The following AFG1L variants were observed in gnomAD, a reference collection of about 807,000 sequenced individuals.
The protein encoded by AFG1L is AFG1-like ATPase.
A neutral mutation model predicts 62.2 loss-of-function variants in AFG1L; 53 were observed. The observed-to-expected ratio is 0.85, with a 90% CI of 0.68 to 1.07. The LOEUF (loss-of-function observed/expected upper bound fraction) is 1.07. Ranked by LOEUF, AFG1L falls within the 50% of genes least tolerant of loss-of-function variation. The pLI, the probability that AFG1L is intolerant of heterozygous loss-of-function variation, is 0.00. For missense variants in AFG1L, 555 were observed against 590.5 expected (o/e 0.94, Z 0.62); for synonymous variants, 228 against 210.3 (o/e 1.08, Z -0.73).
At chr6:108,516,069 G>A (rs1774874300) in intron 11 of AFG1L, among the ~76,000 whole-genome samples, 1 of 151,834 alleles carries the variant, frequency 6.6e-6, no homozygotes, top group South Asian at 2.1e-4. Flanking sequence ...TTCTACCAGA[G>A]GTACAAGGAG....
chr6:108,305,439 G>A (rs748356742), intron 1 of AFG1L, among the ~76,000 whole-genome samples: 1 of 152,182 alleles, frequency 6.6e-6, no homozygotes, highest in Non-Finnish European at 1.5e-5. Flanking sequence ...AGGCTGGAGT[G>A]CAGTGGTATG....
intron 6 of AFG1L, among the ~76,000 whole-genome samples, chr6:108,395,741 A>T (rs1294053730): frequency 1.3e-5 from 2 of 148,326 alleles, no homozygotes; most frequent in African/African-American, 4.9e-5. Context: ...TAAAAATCTC[A>T]TAACTTTATA....
At chr6:108,448,089 CAGA>C (rs897074709) in intron 8 of AFG1L, among the ~76,000 whole-genome samples, 1 of 152,154 alleles carries the variant, frequency 6.6e-6, no homozygotes, top group African/African-American at 2.4e-5. Context: ...ACCTTGTAAG[CAGA>C]AGTACTTTAC....
At chr6:108,347,070 C>A in intron 3 of AFG1L, 31 bp downstream of exon 3, 5 of 1,569,698 alleles carry the variant, frequency 3.2e-6, no homozygotes, top group Non-Finnish European at 4.4e-6. Flanking sequence ...TTTGGGTGGG[C>A]AAAACAGAAA....
chr6:108,359,363 A>G (rs896172313), intron 5 of AFG1L: 2 of 152,258 alleles, frequency 1.3e-5, no homozygotes, highest in African/African-American at 4.8e-5. Flanking sequence ...AATGCAGGCC[A>G]CAGAAAGGAT....
chr6:108,454,866 T>A (rs1290003754), intron 8 of AFG1L, among the ~76,000 whole-genome samples: 1 of 152,130 alleles, frequency 6.6e-6, no homozygotes, highest in African/African-American at 2.4e-5. Context: ...TTGGCCAGGC[T>A]GGTTTCAAGC....
At position 108,522,560 on chromosome 6, in the gene AFG1L, G is replaced by A; in HGVS notation, c.*135G>A. On this transcript the variant is annotated 3_prime_UTR_variant, in exon 13 of 13. Transcript: ENST00000368977. ...CTCTGGACCATTTTAATCTAAAATT[G>A]CTCTCAAGGATCTAGTGGATTAGTA... 2 of 959,184 alleles carry A rather than the reference G, an allele frequency of 2.1e-6. No homozygotes were observed. The highest frequency in any genetic ancestry group is 2.9e-6 in the Non-Finnish European group (2 of 684,252). 59.4% of individuals were successfully genotyped at this position (959,184 alleles called of 1,614,324 possible).
chr6:108,316,743 G>A (rs568595465), intron 1 of AFG1L, among the ~76,000 whole-genome samples: 30 of 151,874 alleles, frequency 2.0e-4, no homozygotes, highest in South Asian at 8.3e-4. Flanking sequence ...CGTGTTAGCC[G>A]GGATGGTCTC....
chr6:108,295,778 T>C (rs911359081), intron 1 of AFG1L: 2 of 152,404 alleles, frequency 1.3e-5, no homozygotes, highest in Non-Finnish European at 2.9e-5. Context: ...CATTCAGTTA[T>C]ATGTTCATGA....
chr6:108,498,690 A>G (rs951940591), intron 10 of AFG1L, among the ~76,000 whole-genome samples: 1 of 152,224 alleles, frequency 6.6e-6, no homozygotes, highest in African/African-American at 2.4e-5. Context: ...TTTGAAATAT[A>G]TCGGCCAGGC....
chr6:108,444,370 G>A (rs1211117580), intron 7 of AFG1L, among the ~76,000 whole-genome samples: 1 of 152,136 alleles, frequency 6.6e-6, no homozygotes, highest in Non-Finnish European at 1.5e-5. Flanking sequence ...TTGCCTCGAT[G>A]TTGATGGCTG....
At chr6:108,316,206 C>A (rs1777587372) in intron 1 of AFG1L, among the ~76,000 whole-genome samples, 1 of 150,238 alleles carries the variant, frequency 6.7e-6, no homozygotes. Flanking sequence ...ACGGTGAAAC[C>A]CCGTCTCTAC....
intron 1 of AFG1L, among the ~76,000 whole-genome samples, chr6:108,307,795 AG>A (rs1374162857): frequency 1.3e-5 from 2 of 152,204 alleles, no homozygotes; most frequent in Admixed American, 1.3e-4. Flanking sequence ...TCTTTCCATT[AG>A]CAGTGTGTGA....
intron 10 of AFG1L, among the ~76,000 whole-genome samples, chr6:108,508,263 T>G (rs1483443372): frequency 6.6e-6 from 1 of 152,148 alleles, no homozygotes; most frequent in Non-Finnish European, 1.5e-5. Context: ...TGGTCTGTAT[T>G]GGGCTCAACA....
intron 2 of AFG1L, among the ~76,000 whole-genome samples, chr6:108,342,051 C>A (rs890334861): frequency 6.6e-6 from 1 of 152,078 alleles, no homozygotes; most frequent in Non-Finnish European, 1.5e-5. Flanking sequence ...GATGGAAGGG[C>A]AAAGGAGGAG....
chr6:108,405,508 A>G (rs987214587), intron 7 of AFG1L, among the ~76,000 whole-genome samples: 3 of 151,944 alleles, frequency 2.0e-5, no homozygotes, highest in Non-Finnish European at 2.9e-5. Flanking sequence ...CACCATGCCC[A>G]GCTAATTTTT....
In AFG1L at chr6:108,309,729, T is replaced by TG. The variant is rs1582565284; in HGVS notation, c.140-14096_140-14095insG. Among the ~76,000 whole-genome samples the TG allele has an allele frequency of 3.3e-5, 5 of 152,188 alleles. No homozygotes were observed. The East Asian group carries it at 9.6e-4, about 29-fold the overall frequency. On this transcript the variant is annotated intron_variant, in intron 1 of 12. Coordinates refer to ENST00000368977, the MANE Select transcript of AFG1L (RefSeq NM_145315.5). ...TAAATATTTCCAATGAAAATTTAGC[T>TG]TCCAAATTGAGATGTGTTGCAGGTG...
chr6:108,387,628 A>G (rs1207295093), intron 6 of AFG1L: 2 of 152,262 alleles, frequency 1.3e-5, no homozygotes, highest in African/African-American at 2.4e-5. Flanking sequence ...AGCTTCAGCT[A>G]TAATCATTTA....
At chr6:108,373,719 G>C (rs896448841) in intron 6 of AFG1L, among the ~76,000 whole-genome samples, 1 of 149,824 alleles carries the variant, frequency 6.7e-6, no homozygotes, top group Admixed American at 6.7e-5. Context: ...TGGGACTACA[G>C]GCATGCGCCA....
Sources: allele counts gnomAD v4.1 joint callset (sites outside exome capture counted in the v4.1 genomes callset), GRCh38; gene constraint gnomAD v4.1.1; transcripts MANE v1.5; gene names NCBI Gene and HGNC (gene_info 2026-07-23, HGNC 2026-07-21).